The following PPHLN1 variants were observed in gnomAD, a reference collection of about 807,000 sequenced individuals.
PPHLN1 encodes periphilin-1.
Under a neutral mutation model 51.3 loss-of-function variants are expected in PPHLN1, and 29 were observed. The ratio of observed to expected loss-of-function variants is 0.57; its 90% CI spans 0.42 to 0.77. The LOEUF (loss-of-function observed/expected upper bound fraction) is 0.77, where lower values mean the gene tolerates loss of function less well. Among genes scored for constraint, PPHLN1 ranks in the 30% least tolerant of loss-of-function variants. The probability of loss-of-function intolerance (pLI) is 0.00; values close to 1 mark genes in which losing one functional copy is unlikely to be tolerated. For missense variants in PPHLN1, 436 were observed against 438.4 expected, an observed-to-expected ratio of 0.99 and a Z score of 0.05; for synonymous variants, 147 against 147.8, an observed-to-expected ratio of 0.99 and a Z score of 0.04.
intron 8 of PPHLN1, 109 bp downstream of exon 8, chr12:42,393,798 T>C (rs1296340374): frequency 2.7e-6 from 3 of 1,094,730 alleles, no homozygotes; most frequent in Admixed American, 6.4e-5. Flanking sequence ...TATATCCTTA[T>C]GGATTACAGG....
intron 8 of PPHLN1, among the ~76,000 whole-genome samples, chr12:42,396,515 G>C (rs2078208025): frequency 6.9e-6 from 1 of 145,380 alleles, no homozygotes. Flanking sequence ...ATTGTTTGAA[G>C]GATATTAGAA....
chr12:42,368,177 A>T (rs1330791857), intron 4 of PPHLN1, among the ~76,000 whole-genome samples: 2 of 152,138 alleles, frequency 1.3e-5, no homozygotes, highest in African/African-American at 4.8e-5. Context: ...TGGTATTTTG[A>T]TACAAAATGG....
Position 42,441,540 on chromosome 12 carries a change from A to G in PPHLN1, c.*31A>G, listed in dbSNP as rs1312044450. ...TCTGCTCAGGCTAAAAAAAAAAAAA[A>G]ACAGTTTCTAAAAATTTTTTTTCCT... is the stretch of plus-strand genomic sequence containing the variant. On this transcript the variant is annotated 3_prime_UTR_variant, in exon 10 of 10. Transcript: ENST00000358314. 12 of 1,506,666 alleles carry G rather than the reference A, an allele frequency of 8.0e-6. No homozygotes were observed. The highest frequency in any genetic ancestry group is 1.4e-5 in the African/African-American group (1 of 70,916). 93.3% of individuals were successfully genotyped at this position (1,506,666 alleles called of 1,614,324 possible).
chr12:42,436,099 A>AT (rs998318689), intron 9 of PPHLN1, among the ~76,000 whole-genome samples: 1 of 152,218 alleles, frequency 6.6e-6, no homozygotes, highest in African/African-American at 2.4e-5. Context: ...TTACCTGCTA[A>AT]TTGCCAAATC....
At chr12:42,443,021 A>G (rs565570424), downstream of PPHLN1, 3 of 347,462 alleles carry the variant, frequency 8.6e-6, no homozygotes, top group South Asian at 7.8e-5. Flanking sequence ...CACAAGGGCA[A>G]TGGGTCCCAG....
chr12:42,385,318 C>G (rs1565898668), intron 6 of PPHLN1, among the ~76,000 whole-genome samples: 1 of 152,154 alleles, frequency 6.6e-6, no homozygotes, highest in Non-Finnish European at 1.5e-5. Flanking sequence ...CCATTTGTAT[C>G]ATTGTTTTCT....
chr12:42,411,615 G>T (rs1687418360), intron 9 of PPHLN1, among the ~76,000 whole-genome samples: 1 of 152,082 alleles, frequency 6.6e-6, no homozygotes, highest in African/African-American at 2.4e-5. Flanking sequence ...CAATAAATAG[G>T]TTTTTTAGGC....
chr12:42,355,885 CT>C (rs1279110386), intron 4 of PPHLN1, among the ~76,000 whole-genome samples: 16 of 151,912 alleles, frequency 1.1e-4, no homozygotes, highest in African/African-American at 3.9e-4. Context: ...GAAAGTAAGG[CT>C]TTTTTTCAGA....
rs547716272 is a variant in PPHLN1 at position 42,332,685 on chromosome 12, A to G, written c.-20-3198A>G. 9.5e-6 allele frequency: 15 copies of G among 1,572,194 alleles called. No homozygotes were observed. In the South Asian group the frequency reaches 1.2e-4, roughly 13 times the overall value. ...GAAATTGTTGAAAACGTTAAATTTG[A>G]TTCCTAAAAGGACTCAAGTAAGTAT... On this transcript the variant is annotated intron_variant, in intron 1 of 9. Transcript: ENST00000358314.
intron 2 of PPHLN1, chr12:42,343,765 A>G (rs1158895545): frequency 3.1e-6 from 1 of 320,930 alleles, no homozygotes. Context: ...TTTTCAGAAG[A>G]AATGTGATCA....
chr12:42,416,916 G>A (rs1189912704), intron 9 of PPHLN1, among the ~76,000 whole-genome samples: 1 of 152,190 alleles, frequency 6.6e-6, no homozygotes, highest in Non-Finnish European at 1.5e-5. Context: ...GAGCCAGATG[G>A]TTGAAAAATT....
chr12:42,352,875 A>G (rs1461828383), intron 3 of PPHLN1, among the ~76,000 whole-genome samples: 8 of 151,414 alleles, frequency 5.3e-5, no homozygotes, highest in African/African-American at 1.9e-4. Context: ...GATCACCTGA[A>G]GTCAGGAGGT....
intron 1 of PPHLN1, chr12:42,332,680 A>T (rs1226549912): frequency 6.3e-7 from 1 of 1,575,862 alleles, no homozygotes; most frequent in Non-Finnish European, 8.7e-7. Context: ...AAAACGTTAA[A>T]TTTGATTCCT....
At chr12:42,410,157 A>G (rs1010294786) in intron 9 of PPHLN1, among the ~76,000 whole-genome samples, 2 of 150,610 alleles carry the variant, frequency 1.3e-5, no homozygotes, top group African/African-American at 4.8e-5. Flanking sequence ...GCTTTCTTAC[A>G]TACAAATATG....
chr12:42,341,989 G>A (rs2071579910), intron 2 of PPHLN1, among the ~76,000 whole-genome samples: 1 of 152,014 alleles, frequency 6.6e-6, no homozygotes, highest in Non-Finnish European at 1.5e-5. Flanking sequence ...ATTTTTATTT[G>A]GCCTTAAACT....
At chr12:42,344,698 AAC>A (rs2072005300) in intron 2 of PPHLN1, among the ~76,000 whole-genome samples, 1 of 149,024 alleles carries the variant, frequency 6.7e-6, no homozygotes, top group African/African-American at 2.5e-5. Context: ...GAGATTTAAC[AAC>A]AGTGTGGATT....
chr12:42,416,371 C>T (rs1391448818), intron 9 of PPHLN1, among the ~76,000 whole-genome samples: 1 of 152,108 alleles, frequency 6.6e-6, no homozygotes, highest in Non-Finnish European at 1.5e-5. Context: ...CTGTTTCAAC[C>T]CCAACAGGTG....
At chr12:42,391,312 C>T (rs1413437638) in intron 7 of PPHLN1, among the ~76,000 whole-genome samples, 5 of 152,182 alleles carry the variant, frequency 3.3e-5, no homozygotes, top group Non-Finnish European at 7.3e-5. Context: ...AATCTCGGCT[C>T]ACTGCAACCT....
At chr12:42,422,254 C>T (rs559664910) in intron 9 of PPHLN1, among the ~76,000 whole-genome samples, 1 of 152,300 alleles carries the variant, frequency 6.6e-6, no homozygotes, top group South Asian at 2.1e-4. Flanking sequence ...ACTAAACCCT[C>T]AGAGAGCAAA....
Sources: allele counts gnomAD v4.1 joint callset (sites outside exome capture counted in the v4.1 genomes callset), GRCh38; gene constraint gnomAD v4.1.1; transcripts MANE v1.5; gene names NCBI Gene and HGNC (gene_info 2026-07-23, HGNC 2026-07-21).